ATP6V0A4: variants seen among roughly 807,000 people sequenced by gnomAD.
ATP6V0A4 encodes the protein V-type proton ATPase 116 kDa subunit a 4.
In ATP6V0A4, 86 loss-of-function variants were observed where a neutral mutation model predicts 107.3. The observed-to-expected ratio is 0.80, with a 90% CI of 0.67 to 0.96. The LOEUF (loss-of-function observed/expected upper bound fraction) is 0.96. Among genes scored for constraint, ATP6V0A4 ranks in the 40% least tolerant of loss-of-function variants. ATP6V0A4 has a pLI of 0.00. For missense variants in ATP6V0A4, 908 were observed against 1,045.6 expected, an observed-to-expected ratio of 0.87 and a Z score of 1.81; for synonymous variants, 353 against 381.4, an observed-to-expected ratio of 0.93 and a Z score of 0.87.
chr7:138,710,461 T>A (rs952219966), intron 20 of ATP6V0A4, among the ~76,000 whole-genome samples: 7 of 152,280 alleles, frequency 4.6e-5, no homozygotes, highest in Admixed American at 3.9e-4. Flanking sequence ...AGTGCTGGGA[T>A]TACAGGCGTA....
rs564496018 is a variant in ATP6V0A4 at position 138,714,019 on chromosome 7, C to T, written c.2257+1745G>A. ...TTGGGAGGCCAAGACAGGAGAACTGCTTGAGCCCAAGAGTTTGAGGCTAGC... is the reference window on the plus strand; with the variant it reads ...TTGGGAGGCCAAGACAGGAGAACTGTTTGAGCCCAAGAGTTTGAGGCTAGC... On this transcript the variant is annotated intron_variant, in intron 20 of 21. Coordinates refer to ENST00000310018, the MANE Select transcript of ATP6V0A4 (RefSeq NM_020632.3). 2.0e-5 allele frequency among the ~76,000 whole-genome samples: 3 copies of T among 148,932 alleles called. 1 individual carries two copies. In the South Asian group the frequency reaches 6.4e-4, roughly 32 times the overall value.
chr7:138,769,312 CTTTTTTT>C, intron 3 of ATP6V0A4, 61 bp from the exon 4 acceptor site: 9 of 1,325,850 alleles, frequency 6.8e-6, no homozygotes, highest in African/African-American at 1.7e-5. Flanking sequence ...AGATTTCTTT[CTTTTTTT>C]TTTTTTTTTT....
intron 2 of ATP6V0A4, among the ~76,000 whole-genome samples, chr7:138,785,700 AAGAG>A (rs929446359): frequency 6.6e-6 from 1 of 152,160 alleles, no homozygotes; most frequent in Non-Finnish European, 1.5e-5. Flanking sequence ...TGCTAAAAAA[AAGAG>A]AGAATGAATT....
intron 18 of ATP6V0A4, among the ~76,000 whole-genome samples, chr7:138,725,483 G>A (rs781463400): frequency 2.0e-5 from 3 of 152,084 alleles, no homozygotes; most frequent in Non-Finnish European, 2.9e-5. Context: ...TTTGCTCTTG[G>A]GGTAAGAGTG....
In ATP6V0A4 at chr7:138,734,146, A is replaced by T. The variant is rs764911849; in HGVS notation, c.1681T>A (p.Phe561Ile). 6.8e-6 allele frequency: 11 copies of T among 1,612,230 alleles called. No individual in the cohort carries two copies. The Admixed American group carries it at 1.8e-4, about 27-fold the overall frequency. ...CATCAAGAAACTTACATGTGATTGA[A>T]AAGGCTGAGGATGACACCGAAAACC... ...QMVFGVILSL[F>I]NHIYFRRTLN... The change falls in exon 16 of 22, where the codon TTC becomes ATC. Residue 561 changes from phenylalanine to isoleucine, a missense_variant. By Grantham distance (21) the Phe-to-Ile change is conservative (BLOSUM62 0). Coordinates refer to ENST00000310018, the MANE Select transcript of ATP6V0A4 (RefSeq NM_020632.3).
intron 17 of ATP6V0A4, among the ~76,000 whole-genome samples, chr7:138,730,115 A>C (rs1175316158): frequency 6.6e-6 from 1 of 151,998 alleles, no homozygotes; most frequent in Non-Finnish European, 1.5e-5. Flanking sequence ...CGATCTCCTG[A>C]CCTCGTGATC....
chr7:138,730,669 G>A (rs1438265157), intron 17 of ATP6V0A4, among the ~76,000 whole-genome samples: 1 of 152,100 alleles, frequency 6.6e-6, no homozygotes, highest in Non-Finnish European at 1.5e-5. Flanking sequence ...GTTAGCACAC[G>A]AACTATTTTG....
At chr7:138,753,525 T>C (rs905709376) in intron 10 of ATP6V0A4, among the ~76,000 whole-genome samples, 3 of 152,206 alleles carry the variant, frequency 2.0e-5, no homozygotes, top group African/African-American at 4.8e-5. Context: ...CACAACCCTT[T>C]ACATACATAA....
intron 14 of ATP6V0A4, among the ~76,000 whole-genome samples, chr7:138,740,701 C>T (rs1365163669): frequency 1.3e-5 from 2 of 151,808 alleles, no homozygotes; most frequent in Non-Finnish European, 1.5e-5. Flanking sequence ...CTCGGCCTCC[C>T]AAAGTGCTGG....
chr7:138,733,542 T>C (rs1392263695), intron 16 of ATP6V0A4, among the ~76,000 whole-genome samples: 3 of 151,308 alleles, frequency 2.0e-5, no homozygotes, highest in Non-Finnish European at 4.4e-5. Flanking sequence ...CATCTGATTC[T>C]GTACAGCCTG....
chr7:138,727,252 T>C lies in ATP6V0A4; in HGVS notation c.2010+1509A>G, dbSNP rs1362165871. On this transcript the variant is annotated intron_variant, in intron 18 of 21. Coordinates refer to ENST00000310018, the MANE Select transcript of ATP6V0A4 (RefSeq NM_020632.3). ...TATGATTGTGCTGGTGAATAGCCAC[T>C]GCACTCTGGCCTCAGAGACAGAGAG... Among the ~76,000 whole-genome samples the C allele has an allele frequency of 3.3e-5, 5 of 152,134 alleles. No homozygotes were observed. The East Asian group carries it at 9.7e-4, about 29-fold the overall frequency.
rs535350147 is a variant in ATP6V0A4 at position 138,730,213 on chromosome 7, A to G, written c.1909-1351T>C. ...TCTACTTTTAAATGTCCAAAAGAGG[A>G]AGGGAGACCATGTGAACCCAAGCTG... On this transcript the variant is annotated intron_variant, in intron 17 of 21. Transcript: ENST00000310018. Among the ~76,000 whole-genome samples the G allele has an allele frequency of 5.3e-5, 8 of 152,238 alleles. No individual in the cohort carries two copies. In the South Asian group the frequency reaches 1.0e-3, roughly 20 times the overall value.
At position 138,756,462 on chromosome 7, in the gene ATP6V0A4, C is replaced by T; in HGVS notation, c.718G>A (p.Asp240Asn). The T allele has an allele frequency of 6.2e-7, 1 of 1,612,512 alleles. No homozygotes were observed. The highest frequency in any genetic ancestry group is 8.5e-7 in the Non-Finnish European group (1 of 1,179,368). ...QLRQKIKKIC[D>N]GFRATVYPCP... is the part of the protein sequence containing the mutation. ...GAGCCATTCACTCCCTCTTACCCAT[C>T]ACAGATCTTCTTGATTTTCTGCCTG... Residue 240 changes from aspartate to asparagine, a missense_variant, in exon 9 of 22, where the codon GAT (aspartate) becomes AAT (asparagine). Coordinates refer to ENST00000310018, the MANE Select transcript of ATP6V0A4 (RefSeq NM_020632.3).
intron 17 of ATP6V0A4, among the ~76,000 whole-genome samples, chr7:138,732,604 G>C (rs1413821263): frequency 6.6e-6 from 1 of 152,008 alleles, no homozygotes; most frequent in Non-Finnish European, 1.5e-5. Flanking sequence ...GAGCAGCCTG[G>C]CCAACATGGT....
chr7:138,735,955 C>T (rs981743075), intron 15 of ATP6V0A4, among the ~76,000 whole-genome samples: 8 of 91,034 alleles, frequency 8.8e-5, no homozygotes, highest in Non-Finnish European at 1.6e-4. Flanking sequence ...GTAATCCCAG[C>T]TACTCAGGAG....
At chr7:138,707,691 T>G (rs1471309745) in intron 21 of ATP6V0A4, among the ~76,000 whole-genome samples, 3 of 151,368 alleles carry the variant, frequency 2.0e-5, no homozygotes, top group South Asian at 2.1e-4. Context: ...TGTAAGCCAC[T>G]GCATCCAGGC....
At chr7:138,725,823 A>G (rs1171028297) in intron 18 of ATP6V0A4, among the ~76,000 whole-genome samples, 1 of 151,794 alleles carries the variant, frequency 6.6e-6, no homozygotes, top group East Asian at 1.9e-4. Flanking sequence ...AGGACTCTCA[A>G]GTTCTAAGGA....
intron 18 of ATP6V0A4, among the ~76,000 whole-genome samples, chr7:138,724,916 T>C (rs1804632536): frequency 6.6e-6 from 1 of 152,166 alleles, no homozygotes; most frequent in Admixed American, 6.6e-5. Flanking sequence ...ATGCTTAAGC[T>C]GGGTGGCGTA....
chr7:138,706,596 G>T lies in ATP6V0A4; in HGVS notation c.*28C>A. Reference sequence around the variant, plus strand: ...ACTGAACTTCCTTCATTGGCATGGTGACCACCGTGGGAGGTGCAGCCCTCA... The same window carrying T: ...ACTGAACTTCCTTCATTGGCATGGTTACCACCGTGGGAGGTGCAGCCCTCA... On this transcript the variant is annotated 3_prime_UTR_variant, in exon 22 of 22. Coordinates refer to ENST00000310018, the MANE Select transcript of ATP6V0A4 (RefSeq NM_020632.3). 1.2e-6 allele frequency: 2 copies of T among 1,612,960 alleles called. No individual in the cohort carries two copies. The highest frequency in any genetic ancestry group is 2.2e-5 in the South Asian group (2 of 90,998).
Sources: allele counts gnomAD v4.1 joint callset (sites outside exome capture counted in the v4.1 genomes callset), GRCh38; gene constraint gnomAD v4.1.1; transcripts MANE v1.5; gene names NCBI Gene and HGNC (gene_info 2026-07-23, HGNC 2026-07-21).